The following SYT9 variants were observed in gnomAD, a reference collection of about 807,000 sequenced individuals.
The protein encoded by SYT9 is synaptotagmin-9.
SYT9 carries 22 observed loss-of-function variants against 48.4 expected under a neutral mutation model. The ratio of observed to expected loss-of-function variants is 0.45; its 90% CI spans 0.32 to 0.65. SYT9 has a LOEUF of 0.65. Among genes scored for constraint, SYT9 ranks in the 30% least tolerant of loss-of-function variants. The probability of loss-of-function intolerance (pLI) is 0.03; values close to 1 mark genes in which losing one functional copy is unlikely to be tolerated. For missense variants in SYT9, 577 were observed against 622.0 expected (o/e 0.93, Z 0.77); for synonymous variants, 265 against 245.0 (o/e 1.08, Z -0.76).
At chr11:7,332,906 C>T (rs12792362) in intron 3 of SYT9, among the ~76,000 whole-genome samples, 36,175 of 152,188 alleles carry the variant, frequency 0.24, 4,961 homozygotes, top group Middle Eastern at 0.31. Flanking sequence ...GGAGAACATT[C>T]CCCTGGGACT....
chr11:7,361,191 T>A (rs1227818423), intron 3 of SYT9, among the ~76,000 whole-genome samples: 2 of 148,034 alleles, frequency 1.4e-5, no homozygotes, highest in African/African-American at 2.6e-5. Context: ...TGACTTTTGC[T>A]TTTTGTTGCA....
At chr11:7,348,946 T>C (rs550449810) in intron 3 of SYT9, among the ~76,000 whole-genome samples, 1 of 151,746 alleles carries the variant, frequency 6.6e-6, no homozygotes, top group African/African-American at 2.4e-5. Flanking sequence ...GCTGAGGAGG[T>C]TGCAGGGCCA....
rs112015255 is a variant in SYT9 at position 7,468,541 on chromosome 11, T to C, written c.*1741T>C. 2.6e-6 allele frequency: 1 copy of C among 387,570 alleles called. No homozygotes were observed. The allele number at this position is 387,570 out of a possible 1,614,324, so 24.0% of individuals were successfully genotyped here. On this transcript the variant is annotated 3_prime_UTR_variant, in exon 7 of 7. Coordinates refer to ENST00000318881, the MANE Select transcript of SYT9 (RefSeq NM_175733.4). ...AGACATCCTCCACCATACCAGTGTT[T>C]AGAAGCAAAACATGAAGGGCTAGCG...
intron 1 of SYT9, among the ~76,000 whole-genome samples, chr11:7,300,868 A>G (rs1169185163): frequency 2.0e-5 from 3 of 152,230 alleles, no homozygotes; most frequent in South Asian, 2.1e-4. Context: ...TCCGGGGTCA[A>G]TCCATGCCCT....
intron 3 of SYT9, among the ~76,000 whole-genome samples, chr11:7,320,179 A>G (rs999172170): frequency 1.3e-5 from 2 of 152,234 alleles, no homozygotes; most frequent in Non-Finnish European, 1.5e-5. Flanking sequence ...CTGAGGTTAC[A>G]TAGCTGAATA....
intron 6 of SYT9, chr11:7,438,950 T>C (rs1295752009): frequency 6.6e-6 from 1 of 152,192 alleles, no homozygotes; most frequent in Admixed American, 6.5e-5. Context: ...AGCCAGCAAA[T>C]CCAGCTGTGG....
chr11:7,314,258 G>C lies in SYT9; in HGVS notation c.1044+317G>C, dbSNP rs1237538050. ...CCACATTTTCTTTAGAGCTTTTTCA[G>C]GTTGTTTGTGCTGAATGGAACCTGG... is the stretch of plus-strand genomic sequence containing the variant. On this transcript the variant is annotated intron_variant, in intron 3 of 6. Transcript: ENST00000318881. 9 of 476,726 alleles carry C rather than the reference G, an allele frequency of 1.9e-5. No individual in the cohort carries two copies. The East Asian group carries it at 5.3e-4, about 28-fold the overall frequency. 29.5% of individuals were successfully genotyped at this position (476,726 alleles called of 1,614,324 possible). A position where few individuals can be genotyped will look rare whatever the true frequency, so the allele number is the denominator to read the frequency against.
At chr11:7,303,422 G>C (rs772273304) in intron 2 of SYT9, 32 bp downstream of exon 2, 4 of 1,547,596 alleles carry the variant, frequency 2.6e-6, no homozygotes, top group Non-Finnish European at 2.6e-6. Flanking sequence ...CTGAATGCAA[G>C]GAAGGACCAC....
At chr11:7,344,913 A>G (rs1564870285) in intron 3 of SYT9, among the ~76,000 whole-genome samples, 2 of 137,678 alleles carry the variant, frequency 1.5e-5, no homozygotes, top group Non-Finnish European at 3.1e-5. Flanking sequence ...TGAATTTTAT[A>G]ATCAGCTCAT....
At position 7,468,811 on chromosome 11, in the gene SYT9, G is replaced by A. The variant is rs1367412928; in HGVS notation, c.*2011G>A. ...TGGGATACTAATGAGGATGCAACTGGCTTATTGGTATGAAATAGAAGGTGG... is the reference window on the plus strand; with the variant it reads ...TGGGATACTAATGAGGATGCAACTGACTTATTGGTATGAAATAGAAGGTGG... On this transcript the variant is annotated 3_prime_UTR_variant, in exon 7 of 7. Coordinates refer to ENST00000318881, the MANE Select transcript of SYT9 (RefSeq NM_175733.4). The A allele has an allele frequency of 6.6e-6, 1 of 152,594 alleles. No homozygotes were observed. The highest frequency in any genetic ancestry group is 1.5e-5 in the Non-Finnish European group (1 of 68,326). The allele number at this position is 152,594 out of a possible 1,614,324, so 9.5% of individuals were successfully genotyped here. A position where few individuals can be genotyped will look rare whatever the true frequency, so the allele number is the denominator to read the frequency against.
chr11:7,274,678 T>A (rs548290934), intron 1 of SYT9, among the ~76,000 whole-genome samples: 1 of 152,136 alleles, frequency 6.6e-6, no homozygotes, highest in East Asian at 1.9e-4. Flanking sequence ...AGCTGGGCCC[T>A]TCTCTTCATC....
intron 3 of SYT9, among the ~76,000 whole-genome samples, chr11:7,335,420 T>C (rs955398702): frequency 6.6e-6 from 1 of 152,182 alleles, no homozygotes; most frequent in Non-Finnish European, 1.5e-5. Flanking sequence ...ACCTGGGTAC[T>C]AGGCCTAGTA....
intron 6 of SYT9, among the ~76,000 whole-genome samples, chr11:7,429,908 T>G (rs1206278537): frequency 6.6e-6 from 1 of 152,206 alleles, no homozygotes; most frequent in Non-Finnish European, 1.5e-5. Context: ...CCTTTTGCAT[T>G]TATATGTTAT....
At chr11:7,434,962 A>G (rs1847674161) in intron 6 of SYT9, 2 of 152,214 alleles carry the variant, frequency 1.3e-5, no homozygotes, top group South Asian at 4.1e-4. Flanking sequence ...GAACCAATAT[A>G]TCACATGAAT....
At chr11:7,337,336 A>C (rs917220008) in intron 3 of SYT9, among the ~76,000 whole-genome samples, 6 of 151,858 alleles carry the variant, frequency 4.0e-5, no homozygotes, top group African/African-American at 1.5e-4. Flanking sequence ...GATGTGCTTT[A>C]TTTCTTTCTC....
intron 3 of SYT9, among the ~76,000 whole-genome samples, chr11:7,364,582 A>G (rs1041101204): frequency 4.6e-5 from 7 of 152,318 alleles, no homozygotes; most frequent in African/African-American, 1.4e-4. Context: ...GTTTGACTTT[A>G]AAACTGACAC....
At chr11:7,428,678 T>C (rs1367857963) in intron 6 of SYT9, among the ~76,000 whole-genome samples, 1 of 152,182 alleles carries the variant, frequency 6.6e-6, no homozygotes, top group Non-Finnish European at 1.5e-5. Context: ...AAGCTGAGTT[T>C]ATTGCTTTCC....
At chr11:7,260,230 G>A (rs1281191758) in intron 1 of SYT9, among the ~76,000 whole-genome samples, 1 of 152,186 alleles carries the variant, frequency 6.6e-6, no homozygotes, top group Non-Finnish European at 1.5e-5. Context: ...ATAAAATCAA[G>A]AAGGGAGATA....
At chr11:7,347,080 C>A (rs1042491752) in intron 3 of SYT9, among the ~76,000 whole-genome samples, 3 of 152,204 alleles carry the variant, frequency 2.0e-5, no homozygotes, top group Admixed American at 2.0e-4. Flanking sequence ...GCTAGCCAGG[C>A]ATCCCTGAAC....
Sources: gnomAD v4.1 joint callset for allele counts (sites outside exome capture counted in the v4.1 genomes callset) on GRCh38, gnomAD v4.1.1 for gene constraint, MANE v1.5 for transcripts, NCBI Gene and HGNC (gene_info 2026-07-23, HGNC 2026-07-21) for gene names.